The following PHLPP1 variants were observed in gnomAD, a reference collection of about 807,000 sequenced individuals.
PHLPP1 encodes PH domain leucine-rich repeat-containing protein phosphatase 1.
In PHLPP1, 42 loss-of-function variants were observed where a neutral mutation model predicts 117.2. The observed-to-expected ratio is 0.36, with a 90% CI of 0.28 to 0.46. The LOEUF (loss-of-function observed/expected upper bound fraction) is 0.46. Among genes scored for constraint, PHLPP1 ranks in the 20% least tolerant of loss-of-function variants. PHLPP1 has a pLI of 1.00. For missense variants in PHLPP1, 2,084 were observed against 2,241.9 expected (o/e 0.93, Z 1.42); for synonymous variants, 1,042 against 970.7 (o/e 1.07, Z -1.37).
chr18:62,916,427 T>C (rs909769622), intron 9 of PHLPP1, among the ~76,000 whole-genome samples: 3 of 151,774 alleles, frequency 2.0e-5, no homozygotes, highest in Non-Finnish European at 4.4e-5. Context: ...GTAGCTCTTA[T>C]TAAAGAAATC....
At position 62,965,499 on chromosome 18, in the gene PHLPP1, G is replaced by A. The variant is rs183783319; in HGVS notation, c.3560+2027G>A. ...TTTGAGATGGAGTTTCACTCTTGTC[G>A]CCCAGGCCGGAGTGCAATGGCGCAA... is the stretch of plus-strand genomic sequence containing the variant. On this transcript the variant is annotated intron_variant, in intron 14 of 16. Transcript: ENST00000262719. Among the ~76,000 whole-genome samples the A allele has an allele frequency of 5.2e-3, 628 of 120,916 alleles. 2 individuals are homozygous for A. Among genetic ancestry groups the A allele is most frequent in the Non-Finnish European group, 6.9e-3 (439 of 63,362 alleles). The allele number at this position is 120,916 out of a possible 152,430, so 79.3% of individuals were successfully genotyped here. A position where few individuals can be genotyped will look rare whatever the true frequency, so the allele number is the denominator to read the frequency against.
chr18:62,765,021 A>T (rs998031084), intron 1 of PHLPP1, among the ~76,000 whole-genome samples: 2 of 152,144 alleles, frequency 1.3e-5, no homozygotes, highest in South Asian at 2.1e-4. Flanking sequence ...TTTCTCAAGG[A>T]TCTCTTCATC....
rs748314007 is a variant in PHLPP1 at position 62,903,108 on chromosome 18, A to G, written c.2589A>G (p.Gln863=). 2.5e-6 allele frequency: 4 copies of G among 1,613,654 alleles called. No individual in the cohort carries two copies. Among genetic ancestry groups the G allele is most frequent in the African/African-American group, 2.7e-5 (2 of 74,940 alleles). ...NIEVLHCERN[Q]LVTLDICGYF... The stretch of plus-strand genomic sequence containing the variant: ...AAGTTTTACACTGTGAAAGGAATCA[A>G]CTGGTCACATTAGACATCTGTGGCT... The change falls in exon 7 of 17, where the codon CAA becomes CAG. Residue 863 remains glutamine (Q), a synonymous_variant. Transcript: ENST00000262719.
chr18:62,766,542 G>T (rs7234962), intron 1 of PHLPP1, among the ~76,000 whole-genome samples: 35,680 of 151,734 alleles, frequency 0.24, 6,712 homozygotes, highest in African/African-American at 0.53. Context: ...CCTCTGCCTG[G>T]TGAGCTGCAC....
At chr18:62,867,540 T>C (rs1386874632) in intron 4 of PHLPP1, among the ~76,000 whole-genome samples, 1 of 152,226 alleles carries the variant, frequency 6.6e-6, no homozygotes, top group Non-Finnish European at 1.5e-5. Context: ...ACTTTATCAC[T>C]TGTATACTTT....
intron 1 of PHLPP1, among the ~76,000 whole-genome samples, chr18:62,797,925 G>C (rs1913672615): frequency 6.6e-6 from 1 of 152,150 alleles, no homozygotes; most frequent in Non-Finnish European, 1.5e-5. Context: ...GGCATATAGG[G>C]CCATGTATGT....
At chr18:62,757,364 T>C (rs1159084697) in intron 1 of PHLPP1, among the ~76,000 whole-genome samples, 1 of 152,220 alleles carries the variant, frequency 6.6e-6, no homozygotes, top group Non-Finnish European at 1.5e-5. Flanking sequence ...GTTAGAGATT[T>C]GTTAGTAATG....
At chr18:62,761,895 T>TGCG (rs887603351) in intron 1 of PHLPP1, among the ~76,000 whole-genome samples, 2 of 152,084 alleles carry the variant, frequency 1.3e-5, no homozygotes, top group Non-Finnish European at 2.9e-5. Flanking sequence ...AGGCATGAGC[T>TGCG]GCCGCACTGG....
chr18:62,849,889 C>G (rs996889289), intron 3 of PHLPP1, among the ~76,000 whole-genome samples: 1 of 135,434 alleles, frequency 7.4e-6, no homozygotes, highest in Non-Finnish European at 1.5e-5. Flanking sequence ...TTTTGAGTCC[C>G]CAGTATTTTT....
intron 10 of PHLPP1, among the ~76,000 whole-genome samples, chr18:62,930,813 C>A (rs539152652): frequency 8.5e-5 from 13 of 152,124 alleles, no homozygotes; most frequent in Non-Finnish European, 1.9e-4. Flanking sequence ...TCAACAAATT[C>A]AAAAAATTGA....
At chr18:62,977,825 C>CA (rs1293716911) in intron 16 of PHLPP1, among the ~76,000 whole-genome samples, 1 of 152,104 alleles carries the variant, frequency 6.6e-6, no homozygotes, top group African/African-American at 2.4e-5. Context: ...CTTGCTACCT[C>CA]AGAGTCTTCC....
chr18:62,977,833 T>G (rs553674508), intron 16 of PHLPP1, among the ~76,000 whole-genome samples: 27 of 152,240 alleles, frequency 1.8e-4, no homozygotes, highest in African/African-American at 5.5e-4. Context: ...CTCAGAGTCT[T>G]CCTACACCCA....
chr18:62,751,061 C>T (rs114235647), intron 1 of PHLPP1, among the ~76,000 whole-genome samples: 2,142 of 152,182 alleles, frequency 0.014, 49 homozygotes, highest in African/African-American at 0.049. Context: ...GCAGTGTTAG[C>T]CACGTTTGAT....
At chr18:62,901,666 C>G (rs1052458820) in intron 6 of PHLPP1, among the ~76,000 whole-genome samples, 2 of 151,578 alleles carry the variant, frequency 1.3e-5, no homozygotes, top group African/African-American at 4.9e-5. Context: ...CTCTGTCGCC[C>G]AGGCTAGAGT....
intron 12 of PHLPP1, among the ~76,000 whole-genome samples, chr18:62,951,131 G>C (rs890023590): frequency 6.6e-6 from 1 of 151,878 alleles, no homozygotes; most frequent in African/African-American, 2.4e-5. Flanking sequence ...ACAGGTGCCC[G>C]CCACCACGCC....
chr18:62,943,168 T>G (rs553758851), intron 11 of PHLPP1, among the ~76,000 whole-genome samples: 2 of 152,304 alleles, frequency 1.3e-5, no homozygotes, highest in South Asian at 4.1e-4. Context: ...TCACCCACCC[T>G]AAGTGCAGAG....
chr18:62,787,229 A>G (rs1272174282), intron 1 of PHLPP1, among the ~76,000 whole-genome samples: 1 of 152,018 alleles, frequency 6.6e-6, no homozygotes, highest in Non-Finnish European at 1.5e-5. Context: ...TTATCTGTAT[A>G]TGGTACACTC....
chr18:62,923,458 A>T (rs1189861696), intron 10 of PHLPP1, among the ~76,000 whole-genome samples: 21 of 152,228 alleles, frequency 1.4e-4, no homozygotes. Context: ...GTAGAATCAG[A>T]GAGAAAAGTT....
chr18:62,716,886 G>A lies in PHLPP1; in HGVS notation c.1203G>A (p.Ala401=). 1 of 1,527,788 alleles carries A rather than the reference G, an allele frequency of 6.5e-7. No homozygotes were observed. The highest frequency in any genetic ancestry group is 1.2e-5 in the South Asian group (1 of 83,218). 94.6% of individuals were successfully genotyped at this position (1,527,788 alleles called of 1,614,324 possible). ...AGCCCCGCCGTCCCGGCCACCCCGC[G>A]CAGCCCCTCCCGCTTCCCCAGACGG... ...PGQPRRPGHP[A]QPLPLPQTAS... is the part of the protein sequence containing the mutation. Residue 401 remains alanine, a synonymous_variant, in exon 1 of 17, where the codon GCG becomes GCA. Coordinates refer to ENST00000262719, the MANE Select transcript of PHLPP1 (RefSeq NM_194449.4). This position sits in a 1 kb window ranked among gnomAD's most constrained non-coding sequence, Gnocchi z 5.7.
Sources: gnomAD v4.1 joint callset for allele counts (sites outside exome capture counted in the v4.1 genomes callset) on GRCh38, gnomAD v4.1.1 for gene constraint, Gnocchi (gnomAD v3.1) non-coding constraint, MANE v1.5 for transcripts, NCBI Gene and HGNC (gene_info 2026-07-23, HGNC 2026-07-21) for gene names.